The following INPPL1 variants were observed in gnomAD, a reference collection of about 807,000 sequenced individuals.
The protein encoded by INPPL1 is inositol polyphosphate phosphatase like 1, also known as phosphatidylinositol 3,4,5-trisphosphate 5-phosphatase 2.
Under a neutral mutation model 139.3 loss-of-function variants are expected in INPPL1, and 91 were observed. The observed-to-expected ratio is 0.65, with a 90% CI of 0.55 to 0.78. INPPL1 has a LOEUF of 0.78. Among genes scored for constraint, INPPL1 ranks in the 30% least tolerant of loss-of-function variants. The probability of loss-of-function intolerance (pLI) is 0.00; values close to 1 mark genes in which losing one functional copy is unlikely to be tolerated. For synonymous variants in INPPL1, 719 were observed against 686.6 expected (o/e 1.05, Z -0.74); for missense variants, 1,411 against 1,665.6 (o/e 0.85, Z 2.66).
Position 72,238,345 on chromosome 11 carries a change from A to C in INPPL1, c.3769A>C (p.Ser1257Arg). Residue 1257 changes from serine to arginine, a missense_variant, in exon 28 of 28, where the codon AGC becomes CGC. Coordinates refer to ENST00000298229, the MANE Select transcript of INPPL1 (RefSeq NM_001567.4). ...KRLLLDTLQL[S>R]K ...CCTCCTTCTGGACACCCTGCAGCTC[A>C]GCAAGTGATAGCGGAGGCACCACGA... 3 of 1,547,050 alleles carry C rather than the reference A, an allele frequency of 1.9e-6. No homozygotes were observed. Among genetic ancestry groups the C allele is most frequent in the Non-Finnish European group, 2.6e-6 (3 of 1,148,202 alleles).
intron 12 of INPPL1, 64 bp from the exon 13 acceptor site, chr11:72,231,434 G>A: frequency 7.8e-7 from 1 of 1,276,774 alleles, no homozygotes; most frequent in Non-Finnish European, 1.1e-6. Flanking sequence ...TCTATTTATA[G>A]TGCAGGGGGA....
chr11:72,233,527 G>A lies in INPPL1; in HGVS notation c.2122+5G>A, dbSNP rs751623817. On this transcript the variant is annotated splice_donor_5th_base_variant and intron_variant, in intron 18 of 27. Coordinates refer to ENST00000298229, the MANE Select transcript of INPPL1 (RefSeq NM_001567.4). ...ACATCATCTGCAATTCTTATGGTCA[G>A]AGCCTCCCGGACAGAGTGATGGGAG... 1.2e-6 allele frequency: 2 copies of A among 1,613,788 alleles called. No homozygotes were observed. Among genetic ancestry groups the A allele is most frequent in the Non-Finnish European group, 8.5e-7 (1 of 1,179,662 alleles).
chr11:72,227,837 C>T, intron 1 of INPPL1: 1 of 354,408 alleles, frequency 2.8e-6, no homozygotes, highest in Non-Finnish European at 5.4e-6. Context: ...AAGACTCTTA[C>T]TCTGGCGGGG....
chr11:72,230,619 G>C (rs1411379293), intron 10 of INPPL1, 151 bp downstream of exon 10: 3 of 878,190 alleles, frequency 3.4e-6, no homozygotes, highest in Non-Finnish European at 5.4e-6. Flanking sequence ...TGTTGAGAAC[G>C]GGTGGCCTGA....
chr11:72,234,473 G>A lies in INPPL1; in HGVS notation c.2327-54G>A. ...GGTGCAGTCAGCCCCCTACTTAGGG[G>A]GAAAGGAAGCTGAGAGGTGGTGCTC... On this transcript the variant is annotated intron_variant, in intron 20 of 27. Coordinates refer to ENST00000298229, the MANE Select transcript of INPPL1 (RefSeq NM_001567.4). This position sits in a 1 kb window ranked among gnomAD's most constrained non-coding sequence, Gnocchi z 4.2. 6.3e-7 allele frequency: 1 copy of A among 1,593,340 alleles called. No homozygotes were observed. The highest frequency in any genetic ancestry group is 8.6e-7 in the Non-Finnish European group (1 of 1,161,216).
intron 13 of INPPL1, 27 bp downstream of exon 13, chr11:72,231,642 A>T (rs780242173): frequency 2.6e-5 from 39 of 1,491,658 alleles, no homozygotes; most frequent in Non-Finnish European, 3.6e-5. Context: ...GGTGCCCAAG[A>T]GTGGCAGCGT....
chr11:72,224,689 C>G (rs1325886559), upstream of INPPL1: 1 of 80,942 alleles, frequency 1.2e-5, no homozygotes, highest in Admixed American at 1.7e-4. Context: ...GGCTGCGGGC[C>G]GAGCGGAGGG....
Position 72,237,467 on chromosome 11 carries a change from C to T in INPPL1, c.3223C>T (p.Pro1075Ser). ...CCCCAGCCTGGATCCTTTACCAGGG[C>T]CAGTGGTCCGGGGCCGTGGTGGGGC... ...LPPSLDPLPG[P>S]VVRGRGGAEA... The change falls in exon 26 of 28, where the codon CCA becomes TCA. Residue 1075 changes from proline to serine, a missense_variant. Physicochemically the swap from Pro to Ser is moderately conservative, Grantham distance 74. Around this residue, in one of 5 missense-constraint regions of INPPL1, gnomAD observed 438 missense variants for 425.7 expected, o/e 1.03. Transcript: ENST00000298229. 1 of 1,610,150 alleles carries T rather than the reference C, an allele frequency of 6.2e-7. No homozygotes were observed. Among genetic ancestry groups the T allele is most frequent in the Middle Eastern group, 1.7e-4 (1 of 6,052 alleles).
At chr11:72,226,176 C>T (rs1193785823) in intron 1 of INPPL1, among the ~76,000 whole-genome samples, 1 of 147,762 alleles carries the variant, frequency 6.8e-6, no homozygotes, top group African/African-American at 2.5e-5. Flanking sequence ...CCAGGGGAGA[C>T]CTTTTTTTTT....
intron 25 of INPPL1, 66 bp from the exon 26 acceptor site, chr11:72,237,049 TCTCCTTCCA>T (rs769521139): frequency 2.7e-5 from 37 of 1,373,852 alleles, no homozygotes; most frequent in Non-Finnish European, 3.6e-5. Context: ...CCCGTCTAGT[TCTCCTTCCA>T]CTGCTTCCAC....
In INPPL1 at chr11:72,232,260, G is replaced by T; in HGVS notation, c.1636G>T (p.Val546Phe). The change falls in exon 14 of 28, where the codon GTC (valine) becomes TTC (phenylalanine). Residue 546 changes from valine to phenylalanine, a missense_variant. Physicochemically the swap from Val to Phe is conservative, Grantham distance 50 (BLOSUM62 -1). This residue lies in a region of INPPL1 where 363 missense variants were observed against 446.2 expected (regional missense o/e 0.81). Transcript: ENST00000298229. ...AACAGGGAACAAGGGGGCTGTGGGC[G>T]TCTCCTTCATGTTTAATGGCACCTC... The part of the protein sequence containing the change: ...NTLGNKGAVG[V>F]SFMFNGTSFG... The T allele has an allele frequency of 1.3e-6, 2 of 1,556,988 alleles. No homozygotes were observed. The highest frequency in any genetic ancestry group is 1.2e-5 in the South Asian group (1 of 84,384).
In INPPL1 at chr11:72,234,584, A is replaced by G. The variant is rs1471973596; in HGVS notation, c.2384A>G (p.Lys795Arg). 3.7e-6 allele frequency: 6 copies of G among 1,613,920 alleles called. No homozygotes were observed. The Admixed American group carries it at 1.0e-4, about 27-fold the overall frequency. ...AQSSDNINFLKVQWSSRQLPT... is the reference protein window; with the variant it reads ...AQSSDNINFLRVQWSSRQLPT... ...AGCAGTGACAACATCAACTTCCTCA[A>G]AGTGCAGTGGTCTTCACGCCAGCTG... The change falls in exon 21 of 28, where the codon AAA (lysine) becomes AGA (arginine). Residue 795 changes from lysine to arginine, a missense_variant. Lys to Arg is a conservative substitution (Grantham distance 26). Transcript: ENST00000298229. This position sits in a 1 kb window ranked among gnomAD's most constrained non-coding sequence, Gnocchi z 4.2.
rs1211060806 is a variant in INPPL1, at chr11:72,235,240, A to C, written c.2503+37A>C. On this transcript the variant is annotated intron_variant, in intron 22 of 27. Transcript: ENST00000298229. The surrounding 1 kb of genome is among the most constrained non-coding windows in gnomAD (Gnocchi z 4.9). ...GGGGTGCTGAGGGGAACAGGAAGCC[A>C]GACAGGGCCCTAGATTAGCTTGGTA... is the stretch of plus-strand genomic sequence containing the variant. 1.2e-6 allele frequency: 2 copies of C among 1,613,912 alleles called. No individual in the cohort carries two copies. Among genetic ancestry groups the C allele is most frequent in the Non-Finnish European group, 1.7e-6 (2 of 1,179,862 alleles).
At position 72,235,663 on chromosome 11, in the gene INPPL1, C is replaced by T. The variant is rs1427185665; in HGVS notation, c.2660-12C>T. 1.2e-6 allele frequency: 2 copies of T among 1,613,534 alleles called. No homozygotes were observed. Among genetic ancestry groups the T allele is most frequent in the Admixed American group, 1.7e-5 (1 of 59,938 alleles). ...CCAGGTCTCCTCTGAGTCTCCCTTC[C>T]TGCCCCCTCAGAGTGGATCAGCATT... On this transcript the variant is annotated splice_polypyrimidine_tract_variant and intron_variant, in intron 23 of 27. Coordinates refer to ENST00000298229, the MANE Select transcript of INPPL1 (RefSeq NM_001567.4). The surrounding 1 kb of genome is among the most constrained non-coding windows in gnomAD (Gnocchi z 4.9).
At position 72,232,775 on chromosome 11, in the gene INPPL1, G is replaced by A; in HGVS notation, c.1851+11G>A. The A allele has an allele frequency of 1.2e-6, 2 of 1,613,994 alleles. No individual in the cohort carries two copies. Among genetic ancestry groups the A allele is most frequent in the Non-Finnish European group, 1.7e-6 (2 of 1,179,996 alleles). Reference sequence around the variant, plus strand: ...GACATGGATATCCAGGTGCGAGCAGGGCCCTGCCATGGCTGTAGGGAGGCT... The same window carrying A: ...GACATGGATATCCAGGTGCGAGCAGAGCCCTGCCATGGCTGTAGGGAGGCT... On this transcript the variant is annotated intron_variant, in intron 15 of 27. Coordinates refer to ENST00000298229, the MANE Select transcript of INPPL1 (RefSeq NM_001567.4).
chr11:72,237,224 C>T lies in INPPL1; in HGVS notation c.2980C>T (p.His994Tyr). The T allele has an allele frequency of 6.2e-7, 1 of 1,614,038 alleles. No individual in the cohort carries two copies. Among genetic ancestry groups the T allele is most frequent in the South Asian group, 1.1e-5 (1 of 91,084 alleles). The change falls in exon 26 of 28, where the codon CAC (histidine) becomes TAC (tyrosine). Residue 994 changes from histidine (H) to tyrosine (Y), a missense_variant. Physicochemically the swap from His to Tyr is moderately conservative, Grantham distance 83 (BLOSUM62 2). This residue lies in a region of INPPL1 where 438 missense variants were observed against 425.7 expected (regional missense o/e 1.03). Coordinates refer to ENST00000298229, the MANE Select transcript of INPPL1 (RefSeq NM_001567.4). ...PAYYVLEGVP[H>Y]QLLPPEPPSP... ...CTACTACGTCCTTGAAGGGGTCCCG[C>T]ACCAGCTGCTGCCCCCGGAGCCACC...
Position 72,225,766 on chromosome 11 carries a change from CTCTGGGCTTGAGCCCTGGT to C in INPPL1, c.182+602_182+620del, listed in dbSNP as rs1448725854. On this transcript the variant is annotated intron_variant, in intron 1 of 27. Coordinates refer to ENST00000298229, the MANE Select transcript of INPPL1 (RefSeq NM_001567.4). Reference sequence around the variant, plus strand: ...CAATGAGTGAGTGTTTGAGCCCTGGCTCTGGGCTTGAGCCCTGGTTACCTGGCTGCCCTAGCCCTGAGCT... The same window carrying C: ...CAATGAGTGAGTGTTTGAGCCCTGGCTACCTGGCTGCCCTAGCCCTGAGCT... 1.4e-4 allele frequency among the ~76,000 whole-genome samples: 21 copies of C among 152,314 alleles called. No individual in the cohort carries two copies. In the East Asian group the frequency reaches 3.9e-3, roughly 28 times the overall value.
intron 1 of INPPL1, among the ~76,000 whole-genome samples, chr11:72,226,472 G>A (rs936043627): frequency 6.6e-6 from 1 of 152,018 alleles, no homozygotes; most frequent in African/African-American, 2.4e-5. Flanking sequence ...GAGCCACCTC[G>A]CCCAGCTGGG....
At chr11:72,224,560 C>G (rs1375282108), upstream of INPPL1, among the ~76,000 whole-genome samples, 1 of 147,772 alleles carries the variant, frequency 6.8e-6, no homozygotes, top group African/African-American at 2.5e-5. Context: ...GATTTGGGGA[C>G]TGGATCTCCT....
Sources: gnomAD v4.1 joint callset for allele counts (sites outside exome capture counted in the v4.1 genomes callset) on GRCh38, gnomAD v4.1.1 for gene constraint, gnomAD v4.1.1 regional missense constraint, Gnocchi (gnomAD v3.1) non-coding constraint, MANE v1.5 for transcripts, NCBI Gene and HGNC (gene_info 2026-07-23, HGNC 2026-07-21) for gene names.